INSR: variants seen among roughly 807,000 people sequenced by gnomAD.
INSR encodes IR.
In INSR, 67 loss-of-function variants were observed where a neutral mutation model predicts 142.6. The observed-to-expected ratio is 0.47, with a 90% CI of 0.39 to 0.58. The LOEUF (loss-of-function observed/expected upper bound fraction) is 0.58, where lower values mean the gene tolerates loss of function less well. Ranked by LOEUF, INSR falls within the 20% of genes least tolerant of loss-of-function variation. The pLI, the probability that INSR is intolerant of heterozygous loss-of-function variation, is 0.00. For missense variants in INSR, 1,248 were observed against 1,833.2 expected (o/e 0.68, Z 5.83); for synonymous variants, 756 against 743.1 (o/e 1.02, Z -0.28).
rs1423894428 is a variant in INSR at position 7,192,117 on chromosome 19, A to C, written c.653-7480T>G. Among the ~76,000 whole-genome samples, 1 of 150,770 alleles carries C rather than the reference A, an allele frequency of 6.6e-6. No individual in the cohort carries two copies. Among genetic ancestry groups the C allele is most frequent in the African/African-American group, 2.4e-5 (1 of 40,924 alleles). ...AATACAGAAAGAGAAAAAAGAAAAG[A>C]AAGAGGGAGAAAGAAGAAAGATAAG... On this transcript the variant is annotated intron_variant, in intron 2 of 21. Transcript: ENST00000302850. The surrounding 1 kb of genome is among the most constrained non-coding windows in gnomAD (Gnocchi z 4.2).
intron 2 of INSR, among the ~76,000 whole-genome samples, chr19:7,257,131 CG>C (rs1353118937): frequency 1.3e-5 from 2 of 151,660 alleles, no homozygotes; most frequent in Non-Finnish European, 2.9e-5. Context: ...TTAGTAGAGA[CG>C]GGGTTTCACT....
In INSR at chr19:7,152,871, T is replaced by G. The variant is rs770959435; in HGVS notation, c.2086A>C (p.Lys696Gln). Residue 696 changes from lysine (K) to glutamine (Q), a missense_variant, in exon 10 of 22, where the codon AAG (lysine) becomes CAG (glutamine). By Grantham distance (53) the Lys-to-Gln change is moderately conservative. This residue lies in a region of INSR where 1,069 missense variants were observed against 1,654.0 expected (regional missense o/e 0.65). Transcript: ENST00000302850. Reference protein sequence around the residue: ...SPPFESEDSQKHNQSEYEDSA... With the variant: ...SPPFESEDSQQHNQSEYEDSA... Reference sequence around the variant, plus strand: ...TCCTCATACTCACTCTGGTTGTGCTTCTGAGAATCTTCAGACTCGAATGGT... The same window carrying G: ...TCCTCATACTCACTCTGGTTGTGCTGCTGAGAATCTTCAGACTCGAATGGT... 3 of 1,613,152 alleles carry G rather than the reference T, an allele frequency of 1.9e-6. No homozygotes were observed. The South Asian group carries it at 3.3e-5, about 18-fold the overall frequency.
intron 2 of INSR, among the ~76,000 whole-genome samples, chr19:7,233,768 T>C (rs1976071926): frequency 7.6e-6 from 1 of 132,230 alleles, no homozygotes; most frequent in Admixed American, 9.0e-5. Context: ...CTCCGCCCCC[T>C]GGGTTCACGC....
At chr19:7,256,733 G>T (rs960462568) in intron 2 of INSR, among the ~76,000 whole-genome samples, 1 of 149,684 alleles carries the variant, frequency 6.7e-6, no homozygotes, top group African/African-American at 2.5e-5. Context: ...GTCTCAAAAA[G>T]AAAAAACAAG....
chr19:7,187,801 G>A (rs992653603), intron 2 of INSR, among the ~76,000 whole-genome samples: 1 of 151,822 alleles, frequency 6.6e-6, no homozygotes, highest in Admixed American at 6.6e-5. Flanking sequence ...TCGAACTCCT[G>A]GCTCAAGCGA....
intron 2 of INSR, among the ~76,000 whole-genome samples, chr19:7,205,980 C>G (rs1975096107): frequency 6.6e-6 from 1 of 152,118 alleles, no homozygotes; most frequent in Non-Finnish European, 1.5e-5. Flanking sequence ...GAGTTTCGAG[C>G]AGACACAGCT....
At chr19:7,200,891 G>A (rs1195824981) in intron 2 of INSR, among the ~76,000 whole-genome samples, 1 of 146,450 alleles carries the variant, frequency 6.8e-6, no homozygotes, top group Non-Finnish European at 1.5e-5. Flanking sequence ...AGGCTGAAGA[G>A]CCACACTTCC....
rs1004905064 is a variant in INSR, at chr19:7,136,521, C to T, written c.2683-4204G>A. On this transcript the variant is annotated intron_variant, in intron 13 of 21. Transcript: ENST00000302850. ...GAATCCTAACTTCTCCTAGCTTCTTCCCATGCCTTTGACTGGCCCGTGTCT... is the reference window on the plus strand; with the variant it reads ...GAATCCTAACTTCTCCTAGCTTCTTTCCATGCCTTTGACTGGCCCGTGTCT... Among the ~76,000 whole-genome samples the T allele has an allele frequency of 2.6e-5, 4 of 152,034 alleles. No individual in the cohort carries two copies. The South Asian group carries it at 8.3e-4, about 31-fold the overall frequency.
intron 2 of INSR, among the ~76,000 whole-genome samples, chr19:7,214,697 G>A (rs937954351): frequency 6.6e-6 from 1 of 152,144 alleles, no homozygotes; most frequent in African/African-American, 2.4e-5. Context: ...TGACCATAGA[G>A]GAAGATATGA....
In INSR at chr19:7,277,862, C is replaced by T. The variant is rs551509540; in HGVS notation, c.101-9966G>A. On this transcript the variant is annotated intron_variant, in intron 1 of 21. Coordinates refer to ENST00000302850, the MANE Select transcript of INSR (RefSeq NM_000208.4). ...ATCCCAGCACTTCAGGAGGCCCAGG[C>T]GGGCAGATCACTTGAGGTCAGGAGT... Among the ~76,000 whole-genome samples, 7 of 151,540 alleles carry T rather than the reference C, an allele frequency of 4.6e-5. No individual in the cohort carries two copies. The East Asian group carries it at 5.9e-4, about 13-fold the overall frequency.
chr19:7,143,302 G>C (rs1973117888), intron 11 of INSR, among the ~76,000 whole-genome samples: 1 of 152,182 alleles, frequency 6.6e-6, no homozygotes, highest in African/African-American at 2.4e-5. Context: ...GATTAGAGCA[G>C]GCCCACCTCG....
In INSR at chr19:7,225,399, C is replaced by T. The variant is rs2145111137; in HGVS notation, c.653-40762G>A. On this transcript the variant is annotated intron_variant, in intron 2 of 21. Coordinates refer to ENST00000302850, the MANE Select transcript of INSR (RefSeq NM_000208.4). The surrounding 1 kb of genome is among the most constrained non-coding windows in gnomAD (Gnocchi z 4.7). ...TGCCTGACCCGCCACCCCCGCCCCACCACCAAGCCAAAATGCTTGAGTGAC... is the reference window on the plus strand; with the variant it reads ...TGCCTGACCCGCCACCCCCGCCCCATCACCAAGCCAAAATGCTTGAGTGAC... Among the ~76,000 whole-genome samples the T allele has an allele frequency of 6.6e-6, 1 of 151,834 alleles. No homozygotes were observed. The highest frequency in any genetic ancestry group is 1.9e-4 in the East Asian group (1 of 5,158).
intron 2 of INSR, among the ~76,000 whole-genome samples, chr19:7,257,415 C>T (rs1047321451): frequency 2.8e-5 from 4 of 143,108 alleles, no homozygotes; most frequent in African/African-American, 5.1e-5. Context: ...TCTAGAAGCA[C>T]GGGTTCGATG....
intron 2 of INSR, among the ~76,000 whole-genome samples, chr19:7,227,703 C>CCCTT (rs1374807902): frequency 1.3e-5 from 2 of 152,140 alleles, no homozygotes; most frequent in Non-Finnish European, 2.9e-5. Flanking sequence ...ATTGCAGATG[C>CCCTT]CCTTGCAAGT....
chr19:7,120,164 A>C (rs1049861188), intron 20 of INSR, among the ~76,000 whole-genome samples: 1 of 152,162 alleles, frequency 6.6e-6, no homozygotes, highest in Admixed American at 6.5e-5. Flanking sequence ...AACTCAAAAG[A>C]ATGCAACCAT....
chr19:7,200,859 CAAAAAAAA>C (rs59770137), intron 2 of INSR, among the ~76,000 whole-genome samples: 1 of 76,312 alleles, frequency 1.3e-5, no homozygotes, highest in African/African-American at 5.3e-5. Flanking sequence ...GACCTTATCT[CAAAAAAAA>C]AAAAAAAAAA....
chr19:7,169,576 C>CAAAAAAAA (rs74174872), intron 6 of INSR, among the ~76,000 whole-genome samples: 166 of 94,764 alleles, frequency 1.8e-3, no homozygotes, highest in African/African-American at 5.7e-3. Flanking sequence ...GACTCTGTCC[C>CAAAAAAAA]AAAAAAAAAA....
chr19:7,221,777 T>C (rs1975626938), intron 2 of INSR, among the ~76,000 whole-genome samples: 1 of 151,860 alleles, frequency 6.6e-6, no homozygotes, highest in Non-Finnish European at 1.5e-5. Context: ...ACACTGGGTT[T>C]CAACTTTTCC....
At position 7,119,825 on chromosome 19, in the gene INSR, CACAA is replaced by C. The variant is rs72355649; in HGVS notation, c.3660-246_3660-243del. Among the ~76,000 whole-genome samples the C allele has an allele frequency of 0.058, 2,816 of 48,500 alleles. 25 individuals carry two copies. Among genetic ancestry groups the C allele is most frequent in the Admixed American group, 0.086 (320 of 3,704 alleles). 31.8% of individuals were successfully genotyped at this position (48,500 alleles called of 152,430 possible). On this transcript the variant is annotated intron_variant, in intron 20 of 21. Coordinates refer to ENST00000302850, the MANE Select transcript of INSR (RefSeq NM_000208.4). The surrounding 1 kb of genome is among the most constrained non-coding windows in gnomAD (Gnocchi z 5.2). ...GCAAACACACAAACACATATACACACACAAACACACACACCCAAACACACACACG... is the reference window on the plus strand; with the variant it reads ...GCAAACACACAAACACATATACACACACACACACACCCAAACACACACACG...
Sources: allele counts gnomAD v4.1 joint callset (sites outside exome capture counted in the v4.1 genomes callset), GRCh38; gene constraint gnomAD v4.1.1; regional missense constraint gnomAD v4.1.1; non-coding constraint Gnocchi (gnomAD v3.1); transcripts MANE v1.5; gene names NCBI Gene and HGNC (gene_info 2026-07-23, HGNC 2026-07-21).